NAALADL2: variants seen among roughly 807,000 people sequenced by gnomAD.
NAALADL2 encodes the protein inactive N-acetylated-alpha-linked acidic dipeptidase-like protein 2.
A neutral mutation model predicts 87.2 loss-of-function variants in NAALADL2; 76 were observed. The observed-to-expected ratio is 0.87, with a 90% confidence interval of 0.72 to 1.05. NAALADL2 has a LOEUF of 1.05. Among genes scored for constraint, NAALADL2 ranks in the 50% least tolerant of loss-of-function variants. NAALADL2 has a pLI of 0.00. For synonymous variants in NAALADL2, 354 were observed against 331.0 expected, an observed-to-expected ratio of 1.07 and a Z score of -0.75; for missense variants, 1,089 against 945.8, an observed-to-expected ratio of 1.15 and a Z score of -1.99.
intron 1 of NAALADL2, among the ~76,000 whole-genome samples, chr3:174,995,076 A>G (rs1474686806): frequency 1.3e-5 from 2 of 152,084 alleles, no homozygotes; most frequent in Non-Finnish European, 2.9e-5. Flanking sequence ...TATTCTGGCC[A>G]TTTAGAGACA....
chr3:175,541,088 A>C (rs1375647922), intron 9 of NAALADL2, among the ~76,000 whole-genome samples: 2 of 152,218 alleles, frequency 1.3e-5, no homozygotes, highest in Non-Finnish European at 2.9e-5. Flanking sequence ...TGTGCTAATG[A>C]GGGGAAAATG....
At chr3:175,801,884 C>T (rs1052107754) in intron 13 of NAALADL2, among the ~76,000 whole-genome samples, 3 of 152,040 alleles carry the variant, frequency 2.0e-5, no homozygotes, top group Admixed American at 1.3e-4. Flanking sequence ...TTCTCCTTCT[C>T]AGCAATTTGA....
chr3:174,883,609 G>T (rs868243621), intron 1 of NAALADL2, among the ~76,000 whole-genome samples: 1 of 152,140 alleles, frequency 6.6e-6, no homozygotes, highest in South Asian at 2.1e-4. Context: ...GCACAAACAT[G>T]TTTTTTAACA....
At chr3:175,716,293 A>G (rs1318655419) in intron 11 of NAALADL2, among the ~76,000 whole-genome samples, 1 of 146,528 alleles carries the variant, frequency 6.8e-6, no homozygotes, top group African/African-American at 2.5e-5. Flanking sequence ...ATGTTATTAC[A>G]CATATAAGAT....
intron 9 of NAALADL2, among the ~76,000 whole-genome samples, chr3:175,575,209 A>T (rs940891669): frequency 6.6e-6 from 1 of 152,150 alleles, no homozygotes; most frequent in Non-Finnish European, 1.5e-5. Context: ...ATATAATTTT[A>T]AAACATCTAG....
chr3:174,796,386 C>T (rs1490579809), intron 3 of NAALADL2, among the ~76,000 whole-genome samples: 2 of 152,002 alleles, frequency 1.3e-5, no homozygotes, highest in East Asian at 3.9e-4. Context: ...TGCTTTCCAC[C>T]CTTCTGAGTC....
chr3:175,017,065 T>C (rs1040928326), intron 1 of NAALADL2, among the ~76,000 whole-genome samples: 1 of 152,034 alleles, frequency 6.6e-6, no homozygotes, highest in South Asian at 2.1e-4. Flanking sequence ...TTGCTTAGAG[T>C]ATTTTAGTTG....
intron 11 of NAALADL2, among the ~76,000 whole-genome samples, chr3:175,716,351 GTA>G (rs1741284846): frequency 6.9e-6 from 1 of 145,680 alleles, no homozygotes; most frequent in African/African-American, 2.5e-5. Context: ...TAATATATAT[GTA>G]TATGTGTGTG....
intron 5 of NAALADL2, among the ~76,000 whole-genome samples, chr3:175,402,663 G>A (rs1160955330): frequency 1.3e-5 from 2 of 151,858 alleles, no homozygotes; most frequent in African/African-American, 2.4e-5. Context: ...CCTTTCCAAC[G>A]TGCCATTCCC....
At chr3:175,173,137 A>G (rs942485804) in intron 2 of NAALADL2, among the ~76,000 whole-genome samples, 1 of 151,600 alleles carries the variant, frequency 6.6e-6, no homozygotes, top group Non-Finnish European at 1.5e-5. Flanking sequence ...CCCAAAACAC[A>G]AAAAATTAGC....
intron 2 of NAALADL2, among the ~76,000 whole-genome samples, chr3:174,702,848 T>G (rs1729687416): frequency 6.6e-6 from 1 of 152,190 alleles, no homozygotes; most frequent in African/African-American, 2.4e-5. Flanking sequence ...AATGTATTCC[T>G]TTGACCTAGT....
chr3:175,497,958 A>G (rs1179923170), intron 9 of NAALADL2, among the ~76,000 whole-genome samples: 1 of 152,084 alleles, frequency 6.6e-6, no homozygotes, highest in Non-Finnish European at 1.5e-5. Context: ...AATTAATGTT[A>G]GTGTGCATGT....
intron 2 of NAALADL2, among the ~76,000 whole-genome samples, chr3:174,625,397 C>T (rs1015717952): frequency 6.6e-6 from 1 of 151,670 alleles, no homozygotes; most frequent in Non-Finnish European, 1.5e-5. Flanking sequence ...ACAGAAAATT[C>T]AAATAATTAC....
chr3:175,595,573 A>C (rs563113488), intron 10 of NAALADL2, among the ~76,000 whole-genome samples: 6 of 152,228 alleles, frequency 3.9e-5, no homozygotes, highest in African/African-American at 1.2e-4. Flanking sequence ...TACAAAAATC[A>C]GTAGCATTTC....
chr3:175,520,710 A>T (rs1732535078), intron 9 of NAALADL2, among the ~76,000 whole-genome samples: 1 of 152,234 alleles, frequency 6.6e-6, no homozygotes, highest in Non-Finnish European at 1.5e-5. Flanking sequence ...TGTCAAGCCT[A>T]GAGTAAGAAC....
chr3:175,068,392 A>G (rs1714947230), intron 1 of NAALADL2, among the ~76,000 whole-genome samples: 1 of 152,168 alleles, frequency 6.6e-6, no homozygotes, highest in Admixed American at 6.6e-5. Flanking sequence ...GAGAGAAGAA[A>G]TTTCAGAACT....
intron 6 of NAALADL2, among the ~76,000 whole-genome samples, chr3:175,451,145 T>A (rs1314672343): frequency 6.6e-6 from 1 of 152,098 alleles, no homozygotes; most frequent in East Asian, 1.9e-4. Flanking sequence ...TATATATGAG[T>A]CAATACATTA....
At chr3:174,878,808 T>TA (rs955793306) in intron 1 of NAALADL2, among the ~76,000 whole-genome samples, 29 of 151,990 alleles carry the variant, frequency 1.9e-4, no homozygotes, top group Non-Finnish European at 1.6e-4. Context: ...ACATGTGAGA[T>TA]AAAAAAATCC....
At chr3:175,192,083 T>G (rs1190327396) in intron 2 of NAALADL2, among the ~76,000 whole-genome samples, 1 of 152,164 alleles carries the variant, frequency 6.6e-6, no homozygotes, top group Non-Finnish European at 1.5e-5. Context: ...GTGCATGTTT[T>G]AATTTCCCTT....
Sources: gnomAD v4.1 joint callset for allele counts (sites outside exome capture counted in the v4.1 genomes callset) on GRCh38, gnomAD v4.1.1 for gene constraint, MANE v1.5 for transcripts, NCBI Gene and HGNC (gene_info 2026-07-23, HGNC 2026-07-21) for gene names.